PHF21B: variants seen among roughly 807,000 people sequenced by gnomAD.
PHF21B encodes the protein PHD finger protein 4.
Under a neutral mutation model 62.2 loss-of-function variants are expected in PHF21B, and 22 were observed. The ratio of observed to expected loss-of-function variants is 0.35; its 90% CI spans 0.25 to 0.51. The LOEUF (loss-of-function observed/expected upper bound fraction) is 0.51. Among genes scored for constraint, PHF21B ranks in the 20% least tolerant of loss-of-function variants. The pLI is 0.97. For missense variants in PHF21B, 701 were observed against 707.9 expected, an observed-to-expected ratio of 0.99 and a Z score of 0.11; for synonymous variants, 341 against 314.7, an observed-to-expected ratio of 1.08 and a Z score of -0.88.
chr22:45,008,309 C>A (rs969296711), intron 2 of PHF21B: 6 of 378,664 alleles, frequency 1.6e-5, no homozygotes, highest in Non-Finnish European at 2.8e-5. Flanking sequence ...CGCGCGCTGC[C>A]TTTTAAGTGA....
intron 2 of PHF21B, among the ~76,000 whole-genome samples, chr22:45,004,267 GTTT>G (rs1291450126): frequency 6.6e-6 from 1 of 152,196 alleles, no homozygotes; most frequent in Non-Finnish European, 1.5e-5. Context: ...TTTTGTTGAT[GTTT>G]TTAAGTAGAC....
intron 2 of PHF21B, among the ~76,000 whole-genome samples, chr22:44,928,022 A>G (rs898487099): frequency 6.6e-6 from 1 of 152,154 alleles, no homozygotes; most frequent in Non-Finnish European, 1.5e-5. Context: ...CGGGAAGGAG[A>G]CAGGTGTTGG....
At chr22:44,928,866 G>A (rs2071685360) in intron 2 of PHF21B, among the ~76,000 whole-genome samples, 1 of 152,200 alleles carries the variant, frequency 6.6e-6, no homozygotes, top group Non-Finnish European at 1.5e-5. Context: ...TCAGGCCCTG[G>A]GGCTGCAGAG....
At chr22:44,933,521 G>T in intron 2 of PHF21B, 1 of 985,480 alleles carries the variant, frequency 1.0e-6, no homozygotes, top group Non-Finnish European at 1.2e-6. Context: ...CCCGCGATCT[G>T]GGGAAACAGA....
chr22:44,980,592 G>A (rs2072822598), intron 2 of PHF21B, among the ~76,000 whole-genome samples: 1 of 152,180 alleles, frequency 6.6e-6, no homozygotes, highest in Non-Finnish European at 1.5e-5. Flanking sequence ...TGGTACGAAG[G>A]AAGCCACTGC....
At chr22:44,927,274 T>C (rs1329196209) in intron 2 of PHF21B, among the ~76,000 whole-genome samples, 3 of 151,766 alleles carry the variant, frequency 2.0e-5, no homozygotes, top group Non-Finnish European at 4.4e-5. Context: ...TGCCTGGCCA[T>C]GCGTGTCCCC....
chr22:44,901,461 C>T (rs1401026112), intron 5 of PHF21B: 1 of 195,134 alleles, frequency 5.1e-6, no homozygotes, highest in Non-Finnish European at 1.0e-5. Flanking sequence ...GAAATGTTTT[C>T]ATCATTCTGG....
At chr22:44,992,148 C>T (rs532386692) in intron 2 of PHF21B, among the ~76,000 whole-genome samples, 1 of 152,382 alleles carries the variant, frequency 6.6e-6, no homozygotes, top group Admixed American at 6.5e-5. Context: ...AGCAGAAATT[C>T]AGTTCTGTGT....
intron 2 of PHF21B, among the ~76,000 whole-genome samples, chr22:44,959,963 G>C (rs58949305): frequency 6.6e-6 from 1 of 152,296 alleles, no homozygotes; most frequent in South Asian, 2.1e-4. Flanking sequence ...TCCAGGAAGC[G>C]CTCTGAGCAG....
chr22:45,002,449 C>A (rs957789345), intron 2 of PHF21B, among the ~76,000 whole-genome samples: 6 of 152,222 alleles, frequency 3.9e-5, no homozygotes, highest in Non-Finnish European at 8.8e-5. Context: ...CTAAGAACCT[C>A]TGCTGAAGGC....
chr22:44,900,868 C>A (rs1484869739), intron 5 of PHF21B, among the ~76,000 whole-genome samples: 1 of 151,386 alleles, frequency 6.6e-6, no homozygotes, highest in Non-Finnish European at 1.5e-5. Context: ...TGTGTCTCAG[C>A]ATTACACATT....
At chr22:44,952,857 G>C (rs979787464) in intron 2 of PHF21B, among the ~76,000 whole-genome samples, 1 of 152,166 alleles carries the variant, frequency 6.6e-6, no homozygotes, top group Non-Finnish European at 1.5e-5. Context: ...GTGACAGAGA[G>C]CTCTCAGGAC....
intron 2 of PHF21B, among the ~76,000 whole-genome samples, chr22:44,937,036 T>C (rs1221587966): frequency 2.0e-5 from 3 of 152,130 alleles, no homozygotes; most frequent in Non-Finnish European, 4.4e-5. Flanking sequence ...AGCTACTTTT[T>C]TGTATTTTTA....
intron 2 of PHF21B, among the ~76,000 whole-genome samples, chr22:44,946,634 G>T (rs981741998): frequency 2.0e-5 from 3 of 151,198 alleles, no homozygotes; most frequent in African/African-American, 4.9e-5. Context: ...TGGGTGGATG[G>T]ATGGATGGGT....
At chr22:44,895,625 A>C (rs1477356033) in intron 6 of PHF21B, among the ~76,000 whole-genome samples, 1 of 152,176 alleles carries the variant, frequency 6.6e-6, no homozygotes, top group African/African-American at 2.4e-5. Context: ...TAACCTGCCC[A>C]CACTTAAGAA....
intron 5 of PHF21B, among the ~76,000 whole-genome samples, chr22:44,897,974 A>G (rs1451730419): frequency 6.6e-6 from 1 of 152,142 alleles, no homozygotes; most frequent in East Asian, 1.9e-4. Context: ...ACACCCAGCT[A>G]ATTTTTAAAT....
Position 45,009,197 on chromosome 22 carries a change from G to A in PHF21B, c.54+299C>T. ...CCCCTCCCCGGGACCGGCTCACGAA[G>A]GGGCCCCCTCCAGGCACCCTCCCAG... is the stretch of plus-strand genomic sequence containing the variant. On this transcript the variant is annotated intron_variant, in intron 1 of 12. Transcript: ENST00000313237. This position sits in a 1 kb window ranked among gnomAD's most constrained non-coding sequence, Gnocchi z 5.9. The A allele has an allele frequency of 2.4e-6, 1 of 415,192 alleles. No homozygotes were observed. The allele number at this position is 415,192 out of a possible 1,614,324, so 25.7% of individuals were successfully genotyped here. A position where few individuals can be genotyped will look rare whatever the true frequency, so the allele number is the denominator to read the frequency against.
intron 2 of PHF21B, among the ~76,000 whole-genome samples, chr22:44,999,626 C>A (rs1163547350): frequency 6.6e-6 from 1 of 152,150 alleles, no homozygotes; most frequent in Non-Finnish European, 1.5e-5. Flanking sequence ...TGACCGTGTG[C>A]CCCGGAGTAA....
intron 5 of PHF21B, chr22:44,901,783 C>T: frequency 3.3e-6 from 1 of 305,238 alleles, no homozygotes; most frequent in Non-Finnish European, 6.3e-6. Flanking sequence ...AGGCCGTGTA[C>T]AAGAGGAAGT....
Sources: allele counts gnomAD v4.1 joint callset (sites outside exome capture counted in the v4.1 genomes callset), GRCh38; gene constraint gnomAD v4.1.1; non-coding constraint Gnocchi (gnomAD v3.1); transcripts MANE v1.5; gene names NCBI Gene and HGNC (gene_info 2026-07-23, HGNC 2026-07-21).